Variants in SUMF1 observed in about 807,000 individuals in gnomAD.
SUMF1 encodes sulfatase modifying factor 1, also known as formylglycine-generating enzyme.
A neutral mutation model predicts 47.6 loss-of-function variants in SUMF1; 48 were observed. The ratio of observed to expected loss-of-function variants is 1.01; its 90% confidence interval spans 0.80 to 1.28. The LOEUF (loss-of-function observed/expected upper bound fraction) is 1.28. SUMF1 is among the 50% of genes most tolerant of loss of function. The pLI is 0.00. For synonymous variants in SUMF1, 230 were observed against 192.1 expected (o/e 1.20, Z -1.63); for missense variants, 571 against 485.4 (o/e 1.18, Z -1.66).
chr3:4,181,482 A>C (rs538168071), intron 8 of SUMF1, among the ~76,000 whole-genome samples: 1 of 152,274 alleles, frequency 6.6e-6, no homozygotes, highest in African/African-American at 2.4e-5. Context: ...ACAGAGAGAA[A>C]AGGATGAAAG....
chr3:4,255,446 A>C (rs933179944), intron 8 of SUMF1, among the ~76,000 whole-genome samples: 1 of 106,034 alleles, frequency 9.4e-6, no homozygotes, highest in Non-Finnish European at 2.0e-5. Context: ...GAAAACAAAA[A>C]AAGGCAGGGG....
At chr3:4,270,274 G>T (rs1283332044) in intron 8 of SUMF1, among the ~76,000 whole-genome samples, 1 of 152,050 alleles carries the variant, frequency 6.6e-6, no homozygotes, top group African/African-American at 2.4e-5. Context: ...CTGACTATAG[G>T]TGATAAAGTG....
chr3:4,372,658 G>T (rs564044145), intron 8 of SUMF1, among the ~76,000 whole-genome samples: 2 of 152,052 alleles, frequency 1.3e-5, no homozygotes, highest in African/African-American at 4.8e-5. Context: ...CTTATAATGG[G>T]TACAATTATA....
At chr3:4,235,656 C>T (rs538735731) in intron 8 of SUMF1, among the ~76,000 whole-genome samples, 3 of 152,196 alleles carry the variant, frequency 2.0e-5, no homozygotes, top group African/African-American at 7.2e-5. Flanking sequence ...TACAAGGGAA[C>T]ATCCTAGGCC....
At chr3:4,253,317 A>G (rs913957467) in intron 8 of SUMF1, among the ~76,000 whole-genome samples, 1 of 152,222 alleles carries the variant, frequency 6.6e-6, no homozygotes, top group African/African-American at 2.4e-5. Context: ...GTGACGCAGA[A>G]GACAGGTGAT....
downstream of SUMF1, among the ~76,000 whole-genome samples, chr3:4,358,331 G>A (rs931576360): frequency 5.9e-5 from 9 of 151,732 alleles, no homozygotes; most frequent in African/African-American, 1.7e-4. Flanking sequence ...ATGAGAATTC[G>A]AAACCAACTC....
chr3:4,248,384 C>T (rs887009281), intron 8 of SUMF1, among the ~76,000 whole-genome samples: 15 of 152,162 alleles, frequency 9.9e-5, no homozygotes, highest in African/African-American at 3.6e-4. Flanking sequence ...AAAACCAGTA[C>T]CTCATTAATT....
chr3:4,281,594 G>C (rs2125046284), intron 8 of SUMF1, among the ~76,000 whole-genome samples: 1 of 152,270 alleles, frequency 6.6e-6, no homozygotes, highest in East Asian at 1.9e-4. Flanking sequence ...AAATCTCAGA[G>C]AGATGTTTAC....
intron 8 of SUMF1, among the ~76,000 whole-genome samples, chr3:4,284,453 G>T (rs936269178): frequency 2.1e-5 from 3 of 140,674 alleles, no homozygotes; most frequent in Admixed American, 7.2e-5. Flanking sequence ...GGAGGAGGAG[G>T]AGGAGGAGGA....
intron 3 of SUMF1, among the ~76,000 whole-genome samples, chr3:4,442,257 CTTT>C (rs35480700): frequency 7.1e-5 from 10 of 140,570 alleles, no homozygotes; most frequent in African/African-American, 1.0e-4. Flanking sequence ...ACCATGAACT[CTTT>C]TTTTTTTTTT....
chr3:4,460,413 G>T (rs1018030122), intron 1 of SUMF1, among the ~76,000 whole-genome samples: 1 of 151,830 alleles, frequency 6.6e-6, no homozygotes, highest in Non-Finnish European at 1.5e-5. Context: ...AATTCCTATC[G>T]CCTTTCAGAA....
intron 8 of SUMF1, among the ~76,000 whole-genome samples, chr3:4,240,305 C>T (rs1002602582): frequency 1.3e-5 from 2 of 152,028 alleles, no homozygotes. Context: ...GGGAGGATTC[C>T]CTCTTTTTCT....
At chr3:4,170,660 A>T (rs1333119172) in intron 8 of SUMF1, among the ~76,000 whole-genome samples, 1 of 152,202 alleles carries the variant, frequency 6.6e-6, no homozygotes, top group Non-Finnish European at 1.5e-5. Context: ...CAGAGTAGAG[A>T]GTCTGGGATT....
At chr3:4,180,567 T>C (rs1695072336) in intron 8 of SUMF1, among the ~76,000 whole-genome samples, 2 of 151,882 alleles carry the variant, frequency 1.3e-5, no homozygotes, top group South Asian at 4.2e-4. Context: ...GGGGGAGGGA[T>C]AGCATTAGGA....
chr3:4,037,570 T>C (rs1694821953), intron 9 of SUMF1, among the ~76,000 whole-genome samples: 1 of 152,214 alleles, frequency 6.6e-6, no homozygotes, highest in Admixed American at 6.5e-5. Context: ...TTTTTGCGAT[T>C]CTTAGTTTCC....
At chr3:4,180,077 C>T (rs556725181) in intron 8 of SUMF1, among the ~76,000 whole-genome samples, 30 of 152,262 alleles carry the variant, frequency 2.0e-4, no homozygotes, top group East Asian at 1.2e-3. Flanking sequence ...GAAATAGGAA[C>T]GCTTTTACAC....
At chr3:4,242,952 G>A (rs1696576189) in intron 8 of SUMF1, among the ~76,000 whole-genome samples, 1 of 152,140 alleles carries the variant, frequency 6.6e-6, no homozygotes, top group South Asian at 2.1e-4. Flanking sequence ...CAATTTCAGA[G>A]CCTGTTATTG....
intron 8 of SUMF1, among the ~76,000 whole-genome samples, chr3:4,331,045 T>C (rs1205695346): frequency 1.3e-5 from 2 of 152,216 alleles, no homozygotes; most frequent in African/African-American, 4.8e-5. Context: ...TTTTAAATTT[T>C]AGACAACTTA....
At chr3:4,292,576 C>T (rs183731347) in intron 8 of SUMF1, among the ~76,000 whole-genome samples, 2 of 152,328 alleles carry the variant, frequency 1.3e-5, no homozygotes, top group East Asian at 1.9e-4. Context: ...CCAGCTGTCA[C>T]CAACAAGTTA....
Sources: allele counts gnomAD v4.1 joint callset (sites outside exome capture counted in the v4.1 genomes callset), GRCh38; gene constraint gnomAD v4.1.1; transcripts MANE v1.5; gene names NCBI Gene and HGNC (gene_info 2026-07-23, HGNC 2026-07-21).